The following BNC2 variants were observed in gnomAD, a reference collection of about 807,000 sequenced individuals.
BNC2 encodes basonuclin zinc finger protein 2.
In BNC2, 20 loss-of-function variants were observed where a neutral mutation model predicts 76.3. The ratio of observed to expected loss-of-function variants is 0.26; its 90% confidence interval spans 0.18 to 0.38. The LOEUF is 0.38. BNC2 is among the 10% of genes least tolerant of loss of function. BNC2 has a pLI of 1.00. For synonymous variants in BNC2, 582 were observed against 514.8 expected, an observed-to-expected ratio of 1.13 and a Z score of -1.77; for missense variants, 1,382 against 1,399.8, an observed-to-expected ratio of 0.99 and a Z score of 0.20.
chr9:16,823,525 C>T (rs1281748836), intron 1 of BNC2, among the ~76,000 whole-genome samples: 1 of 151,722 alleles, frequency 6.6e-6, no homozygotes, highest in Non-Finnish European at 1.5e-5. Flanking sequence ...ATCGCTTGAG[C>T]CTGGGAGGCA....
chr9:16,823,976 A>C (rs1818398309), intron 1 of BNC2, among the ~76,000 whole-genome samples: 1 of 152,248 alleles, frequency 6.6e-6, no homozygotes, highest in Non-Finnish European at 1.5e-5. Context: ...AGTTTGTAGA[A>C]TGGATTAATG....
At chr9:16,480,090 T>A (rs1282151977) in intron 5 of BNC2, among the ~76,000 whole-genome samples, 2 of 152,234 alleles carry the variant, frequency 1.3e-5, no homozygotes, top group East Asian at 1.9e-4. Context: ...CATCATTCGA[T>A]ACATGTAACA....
intron 1 of BNC2, among the ~76,000 whole-genome samples, chr9:16,851,760 G>A (rs577913930): frequency 9.5e-4 from 145 of 152,236 alleles, no homozygotes; most frequent in Non-Finnish European, 1.7e-3. Context: ...GAAGGAAAAA[G>A]TTATTCAAAG....
chr9:16,519,233 G>C (rs1817541675), intron 5 of BNC2, among the ~76,000 whole-genome samples: 1 of 152,184 alleles, frequency 6.6e-6, no homozygotes, highest in Admixed American at 6.5e-5. Flanking sequence ...ATTAGCAATA[G>C]AGGGGAGGGA....
intron 1 of BNC2, among the ~76,000 whole-genome samples, chr9:16,870,292 G>A (rs1407664510): frequency 6.6e-6 from 1 of 150,848 alleles, no homozygotes; most frequent in African/African-American, 2.4e-5. Context: ...CCTCCACCTC[G>A]TCCCCCCAGC....
intron 3 of BNC2, among the ~76,000 whole-genome samples, chr9:16,610,582 G>A (rs1270647534): frequency 2.0e-5 from 3 of 152,106 alleles, no homozygotes; most frequent in Non-Finnish European, 4.4e-5. Flanking sequence ...AATCAGTGAA[G>A]AAAATACAAA....
At chr9:16,565,102 C>T (rs541968604) in intron 4 of BNC2, among the ~76,000 whole-genome samples, 4 of 152,134 alleles carry the variant, frequency 2.6e-5, no homozygotes, top group Non-Finnish European at 5.9e-5. Context: ...GGGCTCCTAA[C>T]TGATTTGGTC....
intron 3 of BNC2, among the ~76,000 whole-genome samples, chr9:16,720,116 C>G (rs1019847091): frequency 6.6e-6 from 1 of 152,228 alleles, no homozygotes; most frequent in Non-Finnish European, 1.5e-5. Context: ...CATGCCCTTA[C>G]TCAAAGAACC....
intron 1 of BNC2, among the ~76,000 whole-genome samples, chr9:16,767,963 C>CAATTT (rs1215644966): frequency 7.0e-6 from 1 of 142,892 alleles, no homozygotes; most frequent in Non-Finnish European, 1.5e-5. Context: ...GCAGGTTATG[C>CAATTT]AATTTTTTTT....
At position 16,436,537 on chromosome 9, in the gene BNC2, G is replaced by A; in HGVS notation, c.1657C>T (p.Pro553Ser). 1 of 1,614,124 alleles carries A rather than the reference G, an allele frequency of 6.2e-7. No individual in the cohort carries two copies. The highest frequency in any genetic ancestry group is 2.2e-5 in the East Asian group (1 of 44,866). The change falls in exon 6 of 7, where the codon CCT (proline) becomes TCT (serine). Residue 553 changes from proline (P) to serine (S), a missense_variant. By Grantham distance (74) the Pro-to-Ser change is moderately conservative. Coordinates refer to ENST00000380672, the MANE Select transcript of BNC2 (RefSeq NM_017637.6). ...TPPLDPVLQN[P>S]LPSQLVFSGL... ...GAAAATACTAGCTGGCTAGGGAGAGGATTTTGCAAGACAGGGTCTAGAGGG... is the reference window on the plus strand; with the variant it reads ...GAAAATACTAGCTGGCTAGGGAGAGAATTTTGCAAGACAGGGTCTAGAGGG...
At chr9:16,765,254 A>G (rs1029079790) in intron 1 of BNC2, among the ~76,000 whole-genome samples, 2 of 152,200 alleles carry the variant, frequency 1.3e-5, no homozygotes, top group African/African-American at 4.8e-5. Flanking sequence ...TGGGGTCACA[A>G]TGTAATTTTA....
intron 6 of BNC2, among the ~76,000 whole-genome samples, chr9:16,423,046 G>A (rs940598149): frequency 6.6e-6 from 1 of 152,306 alleles, no homozygotes; most frequent in African/African-American, 2.4e-5. Context: ...AAAATGGCAG[G>A]AAGGCCAGAG....
chr9:16,554,819 A>G (rs1302470912), intron 4 of BNC2, among the ~76,000 whole-genome samples: 10 of 152,170 alleles, frequency 6.6e-5, no homozygotes, highest in Non-Finnish European at 1.2e-4. Context: ...ACAGACTTCT[A>G]TGACAACAGC....
At chr9:16,659,541 G>A (rs1353239252) in intron 3 of BNC2, among the ~76,000 whole-genome samples, 2 of 146,764 alleles carry the variant, frequency 1.4e-5, no homozygotes, top group South Asian at 4.2e-4. Context: ...CCAGGAGGCG[G>A]AAATTGAAGT....
chr9:16,691,734 C>G (rs113715749), intron 3 of BNC2, among the ~76,000 whole-genome samples: 1 of 151,560 alleles, frequency 6.6e-6, no homozygotes, highest in Non-Finnish European at 1.5e-5. Flanking sequence ...TGGTCTCGAT[C>G]TCCTGACCTC....
Position 16,419,283 on chromosome 9 carries a change from C to G in BNC2, c.3006G>C (p.Ser1002=), listed in dbSNP as rs141433324. Reference sequence around the variant, plus strand: ...GGGCAGGGGCCTCGGCCTTGTGTGCCGACTCCCCACTGTCACTCGCCCCGT... The same window carrying G: ...GGGCAGGGGCCTCGGCCTTGTGTGCGGACTCCCCACTGTCACTCGCCCCGT... The part of the protein sequence containing the change: ...DIDGASDSGE[S]AHKAEAPALP... The change falls in exon 7 of 7, where the codon TCG becomes TCC. Residue 1002 remains serine (S), a synonymous_variant. Transcript: ENST00000380672. 3.1e-6 allele frequency: 5 copies of G among 1,614,130 alleles called. No homozygotes were observed. The highest frequency in any genetic ancestry group is 4.2e-6 in the Non-Finnish European group (5 of 1,180,000).
chr9:16,546,182 T>C (rs1161704971), intron 5 of BNC2, among the ~76,000 whole-genome samples: 2 of 152,002 alleles, frequency 1.3e-5, no homozygotes, highest in Non-Finnish European at 2.9e-5. Context: ...TGAGAAGGAG[T>C]TCACAACATA....
chr9:16,646,510 T>C (rs1821630755), intron 3 of BNC2, among the ~76,000 whole-genome samples: 1 of 152,200 alleles, frequency 6.6e-6, no homozygotes, highest in South Asian at 2.1e-4. Flanking sequence ...ACATACTGTA[T>C]GATCCAATTT....
At chr9:16,738,249 G>T in intron 2 of BNC2, 111 bp downstream of exon 2, 1 of 1,203,558 alleles carries the variant, frequency 8.3e-7, no homozygotes, top group Non-Finnish European at 1.2e-6. Flanking sequence ...AAGTATGAAA[G>T]ACAGTAAAAG....
Sources: gnomAD v4.1 joint callset for allele counts (sites outside exome capture counted in the v4.1 genomes callset) on GRCh38, gnomAD v4.1.1 for gene constraint, MANE v1.5 for transcripts, NCBI Gene and HGNC (gene_info 2026-07-23, HGNC 2026-07-21) for gene names.